EPM2A: variants seen among roughly 807,000 people sequenced by gnomAD.
EPM2A encodes the protein laforin.
A neutral mutation model predicts 26.5 loss-of-function variants in EPM2A; 21 were observed. The observed-to-expected ratio is 0.79, with a 90% confidence interval of 0.56 to 1.14. The LOEUF (loss-of-function observed/expected upper bound fraction) is 1.14, where lower values mean the gene tolerates loss of function less well. Among genes scored for constraint, EPM2A ranks in the 50% most tolerant of loss-of-function variants. The probability of loss-of-function intolerance (pLI) is 0.00; values close to 1 mark genes in which losing one functional copy is unlikely to be tolerated. For missense variants in EPM2A, 458 were observed against 440.8 expected (o/e 1.04, Z -0.35); for synonymous variants, 217 against 177.6 (o/e 1.22, Z -1.76).
At chr6:145,443,099 C>A (rs976904385) in intron 4 of EPM2A, among the ~76,000 whole-genome samples, 1 of 151,946 alleles carries the variant, frequency 6.6e-6, no homozygotes, top group Admixed American at 6.5e-5. Context: ...TCTCGATCTC[C>A]TGACCTTGTG....
intron 4 of EPM2A, among the ~76,000 whole-genome samples, chr6:145,430,603 GAA>G (rs34510907): frequency 0.053 from 7,855 of 148,006 alleles, 677 homozygotes; most frequent in African/African-American, 0.18. Context: ...TCCATCTCAA[GAA>G]AAAAAAAAAA....
intron 2 of EPM2A, among the ~76,000 whole-genome samples, chr6:145,587,412 G>T (rs1781212223): frequency 6.6e-6 from 1 of 152,168 alleles, no homozygotes; most frequent in Admixed American, 6.5e-5. Flanking sequence ...AAGAGTGATT[G>T]CCTGATGTTT....
chr6:145,716,589 T>G (rs554439053), intron 1 of EPM2A, among the ~76,000 whole-genome samples: 2 of 152,050 alleles, frequency 1.3e-5, no homozygotes, highest in African/African-American at 4.8e-5. Context: ...TATCCTGGAG[T>G]GGCCGCCCCA....
chr6:145,560,197 C>T (rs1780785167), intron 2 of EPM2A, among the ~76,000 whole-genome samples: 1 of 152,046 alleles, frequency 6.6e-6, no homozygotes, highest in Admixed American at 6.6e-5. Context: ...TGATAATTCT[C>T]CTCTCAGTAA....
chr6:145,413,094 AAG>A (rs1582735880), intron 4 of EPM2A, among the ~76,000 whole-genome samples: 1 of 152,316 alleles, frequency 6.6e-6, no homozygotes, highest in East Asian at 1.9e-4. Context: ...ACTGTGAAAA[AAG>A]AATAGTATCA....
At chr6:145,490,086 G>A (rs1278164184) in intron 4 of EPM2A, 16 of 1,278,368 alleles carry the variant, frequency 1.3e-5, no homozygotes, top group Admixed American at 4.4e-5. Flanking sequence ...GGTAGCACAC[G>A]CACCTTCCCA....
chr6:145,490,994 C>G, intron 4 of EPM2A: 1 of 924,408 alleles, frequency 1.1e-6, no homozygotes, highest in South Asian at 1.3e-5. Context: ...CCTTCATCTT[C>G]ACTTCAATTG....
chr6:145,633,573 A>T (rs1221658282), intron 3 of EPM2A: 1 of 152,322 alleles, frequency 6.6e-6, no homozygotes, highest in Non-Finnish European at 1.5e-5. Flanking sequence ...TCAGACACAG[A>T]TCAACAAAGG....
At chr6:145,569,538 CT>C (rs1780928102) in intron 2 of EPM2A, among the ~76,000 whole-genome samples, 1 of 152,188 alleles carries the variant, frequency 6.6e-6, no homozygotes, top group Admixed American at 6.5e-5. Flanking sequence ...TCCTCTAGTT[CT>C]TGATCATTCT....
chr6:145,399,040 C>T (rs1238617622), intron 4 of EPM2A, among the ~76,000 whole-genome samples: 1 of 152,102 alleles, frequency 6.6e-6, no homozygotes, highest in Non-Finnish European at 1.5e-5. Flanking sequence ...TACCACAAGA[C>T]TTCCTTGATC....
chr6:145,698,977 C>G (rs1781770521), intron 1 of EPM2A, among the ~76,000 whole-genome samples: 1 of 152,192 alleles, frequency 6.6e-6, no homozygotes, highest in Admixed American at 6.5e-5. Flanking sequence ...TCTATGACTT[C>G]TAGTCATCAA....
chr6:145,438,195 C>T (rs1259887623), intron 4 of EPM2A, among the ~76,000 whole-genome samples: 3 of 152,106 alleles, frequency 2.0e-5, no homozygotes, highest in Non-Finnish European at 2.9e-5. Context: ...TGTCATGGGA[C>T]AAGGTCCCCA....
At chr6:145,500,574 C>T (rs1000382115), downstream of EPM2A, among the ~76,000 whole-genome samples, 1 of 152,192 alleles carries the variant, frequency 6.6e-6, no homozygotes, top group Non-Finnish European at 1.5e-5. Context: ...GGAGGAGAAT[C>T]AGGTCATTTT....
At chr6:145,705,534 G>A (rs371261013) in intron 1 of EPM2A, 92 of 456,138 alleles carry the variant, frequency 2.0e-4, no homozygotes, top group African/African-American at 1.5e-3. Context: ...CAGCCTGGGC[G>A]ACAGACTGAG....
At chr6:145,536,232 C>T (rs1780427990) in intron 2 of EPM2A, among the ~76,000 whole-genome samples, 1 of 150,684 alleles carries the variant, frequency 6.6e-6, no homozygotes, top group South Asian at 2.1e-4. Context: ...TGATTGTCTC[C>T]CTTCCCCAGG....
chr6:145,529,622 CA>C (rs1254539717), intron 2 of EPM2A, among the ~76,000 whole-genome samples: 2 of 152,012 alleles, frequency 1.3e-5, no homozygotes, highest in Non-Finnish European at 2.9e-5. Context: ...ACTGGTAAAC[CA>C]AAAACTGTGT....
chr6:145,668,219 T>G (rs1428947848), intron 2 of EPM2A, among the ~76,000 whole-genome samples: 1 of 151,250 alleles, frequency 6.6e-6, no homozygotes, highest in African/African-American at 2.4e-5. Context: ...GCCAAAGAAG[T>G]CTTATAGAAG....
chr6:145,731,369 A>C (rs1776475932), intron 1 of EPM2A, among the ~76,000 whole-genome samples: 2 of 152,342 alleles, frequency 1.3e-5, no homozygotes, highest in South Asian at 4.1e-4. Flanking sequence ...TGGATATCCA[A>C]GGACTACCAG....
chr6:145,436,884 C>A (rs2114696772), intron 4 of EPM2A, among the ~76,000 whole-genome samples: 1 of 151,924 alleles, frequency 6.6e-6, no homozygotes, highest in African/African-American at 2.4e-5. Flanking sequence ...GAATTTCCAT[C>A]TTTTTATTGA....
Sources: gnomAD v4.1 joint callset for allele counts (sites outside exome capture counted in the v4.1 genomes callset) on GRCh38, gnomAD v4.1.1 for gene constraint, MANE v1.5 for transcripts, NCBI Gene and HGNC (gene_info 2026-07-23, HGNC 2026-07-21) for gene names.